AGBL4: variants seen among roughly 807,000 people sequenced by gnomAD.
AGBL4 encodes cytosolic carboxypeptidase 6.
Under a neutral mutation model 66.4 loss-of-function variants are expected in AGBL4, and 58 were observed. The ratio of observed to expected loss-of-function variants is 0.87; its 90% CI spans 0.71 to 1.09. The LOEUF (loss-of-function observed/expected upper bound fraction) is 1.09, where lower values mean the gene tolerates loss of function less well. AGBL4 is among the 50% of genes least tolerant of loss of function. AGBL4 has a pLI of 0.00. For synonymous variants in AGBL4, 234 were observed against 222.9 expected, an observed-to-expected ratio of 1.05 and a Z score of -0.44; for missense variants, 579 against 631.0, an observed-to-expected ratio of 0.92 and a Z score of 0.88.
intron 1 of AGBL4, among the ~76,000 whole-genome samples, chr1:49,937,817 A>T (rs1042105658): frequency 1.5e-4 from 23 of 152,310 alleles, no homozygotes; most frequent in African/African-American, 5.5e-4. Context: ...AACATACCAG[A>T]ATGTCTGGGA....
intron 6 of AGBL4, among the ~76,000 whole-genome samples, chr1:48,738,697 C>T (rs1374259880): frequency 6.6e-6 from 1 of 152,090 alleles, no homozygotes; most frequent in Non-Finnish European, 1.5e-5. Flanking sequence ...CTGCTTTTTT[C>T]CCCCACCACT....
intron 3 of AGBL4, among the ~76,000 whole-genome samples, chr1:49,510,139 A>G (rs533597673): frequency 1.3e-5 from 2 of 152,162 alleles, no homozygotes; most frequent in South Asian, 4.2e-4. Context: ...CTCCATAATG[A>G]TAAATAGAAA....
chr1:49,664,996 T>C (rs1427812645), intron 3 of AGBL4, among the ~76,000 whole-genome samples: 1 of 152,138 alleles, frequency 6.6e-6, no homozygotes, highest in Non-Finnish European at 1.5e-5. Flanking sequence ...GCAGAAGTGA[T>C]TTGGAAACCT....
intron 9 of AGBL4, among the ~76,000 whole-genome samples, chr1:48,592,514 A>T (rs898242284): frequency 3.9e-5 from 6 of 152,212 alleles, no homozygotes; most frequent in Admixed American, 1.3e-4. Flanking sequence ...TCTGTGTGAT[A>T]TTAAACTCAT....
At chr1:48,544,135 C>T (rs1569708144) in intron 11 of AGBL4, among the ~76,000 whole-genome samples, 1 of 152,230 alleles carries the variant, frequency 6.6e-6, no homozygotes, top group East Asian at 1.9e-4. Context: ...GGGGCTGCCA[C>T]CTGCTTTCTT....
chr1:49,051,521 C>T (rs1644210483), intron 4 of AGBL4, among the ~76,000 whole-genome samples: 1 of 152,080 alleles, frequency 6.6e-6, no homozygotes, highest in African/African-American at 2.4e-5. Context: ...ATTCCTTTTC[C>T]CTTCGTGAGG....
At chr1:48,534,959 T>C in intron 12 of AGBL4, 43 bp from the exon 13 acceptor site, 1 of 1,532,970 alleles carries the variant, frequency 6.5e-7, no homozygotes, top group Non-Finnish European at 8.8e-7. Context: ...CCTCTTAGGC[T>C]CTAGTAAATG....
At chr1:49,062,190 C>A (rs1644414793) in intron 4 of AGBL4, among the ~76,000 whole-genome samples, 1 of 152,136 alleles carries the variant, frequency 6.6e-6, no homozygotes, top group South Asian at 2.1e-4. Flanking sequence ...AAACTGTCTT[C>A]CATAAAATGG....
At chr1:48,597,062 T>C (rs964662122) in intron 9 of AGBL4, among the ~76,000 whole-genome samples, 1 of 152,144 alleles carries the variant, frequency 6.6e-6, no homozygotes, top group Non-Finnish European at 1.5e-5. Context: ...AGAATGCTTA[T>C]CCTCTTCCTT....
At chr1:49,508,483 G>A (rs953122369) in intron 3 of AGBL4, among the ~76,000 whole-genome samples, 4 of 151,974 alleles carry the variant, frequency 2.6e-5, no homozygotes, top group South Asian at 2.1e-4. Flanking sequence ...AGTAGGCTCT[G>A]ACTGTGAAAG....
intron 6 of AGBL4, among the ~76,000 whole-genome samples, chr1:48,816,463 G>A (rs1321585952): frequency 1.3e-5 from 2 of 152,064 alleles, no homozygotes; most frequent in African/African-American, 4.8e-5. Flanking sequence ...AATAAGATAA[G>A]GAATAGGTAT....
chr1:49,679,129 G>C (rs770336073), intron 3 of AGBL4, among the ~76,000 whole-genome samples: 14 of 152,130 alleles, frequency 9.2e-5, no homozygotes, highest in African/African-American at 2.7e-4. Context: ...GTTGTTGAGA[G>C]AGGGGTGTTG....
In AGBL4 at chr1:50,009,250, T is replaced by C. The variant is rs574793550; in HGVS notation, c.34+14513A>G. ...AATATCCCTGATTAACAGAAATTGA[T>C]GCAAAAATCCTCAACAAAATACTGG... On this transcript the variant is annotated intron_variant, in intron 1 of 13. Coordinates refer to ENST00000371839, the MANE Select transcript of AGBL4 (RefSeq NM_032785.4). Among the ~76,000 whole-genome samples the C allele has an allele frequency of 1.9e-3, 283 of 152,202 alleles. 2 individuals carry two copies. The highest frequency in any genetic ancestry group is 6.5e-3 in the African/African-American group (269 of 41,554).
intron 4 of AGBL4, among the ~76,000 whole-genome samples, chr1:49,140,536 C>A (rs1014505728): frequency 1.3e-5 from 2 of 152,210 alleles, no homozygotes; most frequent in African/African-American, 4.8e-5. Context: ...AAGAATATGG[C>A]CTTTCAACTT....
At chr1:49,199,542 G>A (rs1647519724) in intron 4 of AGBL4, among the ~76,000 whole-genome samples, 1 of 152,166 alleles carries the variant, frequency 6.6e-6, no homozygotes, top group East Asian at 1.9e-4. Context: ...CATTGAGACA[G>A]CCTTCTTCAT....
At chr1:48,751,826 G>GC (rs1434762787) in intron 6 of AGBL4, among the ~76,000 whole-genome samples, 2 of 152,126 alleles carry the variant, frequency 1.3e-5, no homozygotes, top group Admixed American at 1.3e-4. Context: ...CATCCCCACT[G>GC]CCCCCAGGAA....
At chr1:48,767,024 AG>A (rs1644564932) in intron 6 of AGBL4, among the ~76,000 whole-genome samples, 1 of 152,224 alleles carries the variant, frequency 6.6e-6, no homozygotes, top group African/African-American at 2.4e-5. Context: ...CCTAATCCTG[AG>A]TTGAAGGTAT....
At chr1:49,420,596 G>C (rs1645523591) in intron 3 of AGBL4, among the ~76,000 whole-genome samples, 1 of 152,060 alleles carries the variant, frequency 6.6e-6, no homozygotes, top group South Asian at 2.1e-4. Flanking sequence ...AGCTACTCGG[G>C]AGGCTGAGGC....
At chr1:50,016,761 G>C (rs1662013632) in intron 1 of AGBL4, among the ~76,000 whole-genome samples, 2 of 152,130 alleles carry the variant, frequency 1.3e-5, no homozygotes, top group South Asian at 4.1e-4. Flanking sequence ...ACACCAGTCA[G>C]AATGGCTATT....
Sources: gnomAD v4.1 joint callset for allele counts (sites outside exome capture counted in the v4.1 genomes callset) on GRCh38, gnomAD v4.1.1 for gene constraint, MANE v1.5 for transcripts, NCBI Gene and HGNC (gene_info 2026-07-23, HGNC 2026-07-21) for gene names.